Variants in KRT6A observed in about 807,000 individuals in gnomAD.
KRT6A encodes keratin, type II cytoskeletal 6A.
Under a neutral mutation model 48.6 loss-of-function variants are expected in KRT6A, and 28 were observed. That is an observed-to-expected ratio of 0.58 (90% confidence interval 0.43 to 0.79). The LOEUF is 0.79. Among genes scored for constraint, KRT6A ranks in the 30% least tolerant of loss-of-function variants. KRT6A has a pLI of 0.00. For missense variants in KRT6A, 687 were observed against 724.3 expected, an observed-to-expected ratio of 0.95 and a Z score of 0.59; for synonymous variants, 301 against 294.2, an observed-to-expected ratio of 1.02 and a Z score of -0.24.
At chr12:52,492,513 A>C in intron 1 of KRT6A, 136 bp downstream of exon 1, 1 of 1,505,898 alleles carries the variant, frequency 6.6e-7, no homozygotes, top group Non-Finnish European at 9.2e-7. Flanking sequence ...GCTGGGCACC[A>C]GCAGCCATCT....
Position 52,487,611 on chromosome 12 carries a change from G to A in KRT6A, c.*109C>T, listed in dbSNP as rs1469928604. 1.6e-5 allele frequency: 22 copies of A among 1,378,954 alleles called. No homozygotes were observed. The highest frequency in any genetic ancestry group is 2.0e-5 in the Non-Finnish European group (20 of 981,202). 85.4% of individuals were successfully genotyped at this position (1,378,954 alleles called of 1,614,324 possible). A position where few individuals can be genotyped will look rare whatever the true frequency, so the allele number is the denominator to read the frequency against. On this transcript the variant is annotated 3_prime_UTR_variant, in exon 9 of 9. Coordinates refer to ENST00000330722, the MANE Select transcript of KRT6A (RefSeq NM_005554.4). The stretch of plus-strand genomic sequence containing the variant: ...AAGCATCCATACCCAGCTCTACCTG[G>A]GACAGCAGGGGAGACTGGAGGCCAG...
chr12:52,488,141 A>G (rs751328530), intron 7 of KRT6A, 38 bp from the exon 8 acceptor site: 20 of 1,613,864 alleles, frequency 1.2e-5, no homozygotes, highest in Middle Eastern at 1.7e-4. Flanking sequence ...GACCTCAGAG[A>G]GCTCTTCCTT....
rs17103964 is a variant in KRT6A, at chr12:52,489,795, G to T, written c.1203+148C>A. The T allele has an allele frequency of 1.9e-3, 2,443 of 1,305,040 alleles. 45 individuals are homozygous for T. The African/African-American group carries it at 0.033, about 18-fold the overall frequency. The allele number at this position is 1,305,040 out of a possible 1,614,324, so 80.8% of individuals were successfully genotyped here. ...CATAGGTAGGATCTATGTCTCCTAA[G>T]CAGCAGGTACCCACTAAGGGTAGGA... On this transcript the variant is annotated intron_variant, in intron 6 of 8. Coordinates refer to ENST00000330722, the MANE Select transcript of KRT6A (RefSeq NM_005554.4).
At position 52,491,751 on chromosome 12, in the gene KRT6A, AGAT is replaced by A; in HGVS notation, c.541-18_541-16del. ...AGGAACCGCACCTGAAAGAGAGACA[AGAT>A]GATCATTTTCCAGGCAAGGGAAGGA... On this transcript the variant is annotated splice_polypyrimidine_tract_variant and intron_variant, in intron 1 of 8. Transcript: ENST00000330722. 1.9e-6 allele frequency: 3 copies of A among 1,612,626 alleles called. No homozygotes were observed. The highest frequency in any genetic ancestry group is 2.5e-6 in the Non-Finnish European group (3 of 1,178,578).
intron 6 of KRT6A, 151 bp from the exon 7 acceptor site, chr12:52,488,699 T>A: frequency 9.4e-7 from 1 of 1,067,976 alleles, no homozygotes; most frequent in Non-Finnish European, 1.4e-6. Context: ...TTTTTTTATT[T>A]TGCAGTTTTT....
rs373927281 is a variant in KRT6A at position 52,490,670 on chromosome 12, G to A, written c.976C>T (p.Arg326Cys). 21 of 1,614,114 alleles carry A rather than the reference G, an allele frequency of 1.3e-5. No homozygotes were observed. The highest frequency in any genetic ancestry group is 5.0e-5 in the Admixed American group (3 of 60,012). The change falls in exon 5 of 9, where the codon CGC (arginine) becomes TGC (cysteine). Residue 326 changes from arginine to cysteine, a missense_variant. Arg to Cys is a radical substitution (Grantham distance 180). Coordinates refer to ENST00000330722, the MANE Select transcript of KRT6A (RefSeq NM_005554.4). ...ATGATGCTGTCCAGGTCCAGGTTGCGGTTGTTGTCCATGGACAGCACCACA... is the reference window on the plus strand; with the variant it reads ...ATGATGCTGTCCAGGTCCAGGTTGCAGTTGTTGTCCATGGACAGCACCACA... The part of the protein sequence containing the change: ...TSVVLSMDNN[R>C]NLDLDSIIAE...
chr12:52,487,545 G>A lies in KRT6A; in HGVS notation c.*175C>T. 1 of 721,278 alleles carries A rather than the reference G, an allele frequency of 1.4e-6. No homozygotes were observed. The highest frequency in any genetic ancestry group is 2.3e-6 in the Non-Finnish European group (1 of 430,708). 44.7% of individuals were successfully genotyped at this position (721,278 alleles called of 1,614,324 possible). A position where few individuals can be genotyped will look rare whatever the true frequency, so the allele number is the denominator to read the frequency against. The stretch of plus-strand genomic sequence containing the variant: ...GTTGATCTGATGGTGAGCAATGGGT[G>A]CTCAGATGGTATAGAGAGAGAGAGA... On this transcript the variant is annotated 3_prime_UTR_variant, in exon 9 of 9. Coordinates refer to ENST00000330722, the MANE Select transcript of KRT6A (RefSeq NM_005554.4).
rs775857653 is a variant in KRT6A at position 52,488,487 on chromosome 12, T to C, written c.1265A>G (p.Asp422Gly). The C allele has an allele frequency of 1.2e-6, 2 of 1,614,112 alleles. No individual in the cohort carries two copies. Residue 422 changes from aspartate (D) to glycine (G), a missense_variant, in exon 7 of 9, where the codon GAT becomes GGT. Physicochemically the swap from Asp to Gly is moderately conservative, Grantham distance 94 (BLOSUM62 -1). Coordinates refer to ENST00000330722, the MANE Select transcript of KRT6A (RefSeq NM_005554.4). ...CAGCCCTTCCAGCTTGTTCTTGGCA[T>C]CCTTGAGGGCCATCTCCCCACGCTG... ...AEQRGEMALK[D>G]AKNKLEGLED... is the part of the protein sequence containing the mutation.
chr12:52,488,633 G>GA (rs1320644741), intron 6 of KRT6A, 85 bp from the exon 7 acceptor site: 14 of 1,544,070 alleles, frequency 9.1e-6, no homozygotes, highest in Middle Eastern at 1.8e-4. Context: ...TAGTGAAGGG[G>GA]CCAGGAGCCC....
Position 52,487,517 on chromosome 12 carries a change from G to A in KRT6A, c.*203C>T, listed in dbSNP as rs1938164202. On this transcript the variant is annotated 3_prime_UTR_variant, in exon 9 of 9. Coordinates refer to ENST00000330722, the MANE Select transcript of KRT6A (RefSeq NM_005554.4). ...GTGATTACATCATGATGTAAAATCA[G>A]AGGTTGATCTGATGGTGAGCAATGG... 2 of 633,544 alleles carry A rather than the reference G, an allele frequency of 3.2e-6. No homozygotes were observed. Among genetic ancestry groups the A allele is most frequent in the African/African-American group, 1.8e-5 (1 of 54,240 alleles). 39.2% of individuals were successfully genotyped at this position (633,544 alleles called of 1,614,324 possible).
chr12:52,488,131 G>C (rs762815698), intron 7 of KRT6A, 28 bp from the exon 8 acceptor site: 3 of 1,613,978 alleles, frequency 1.9e-6, no homozygotes, highest in Admixed American at 1.7e-5. Context: ...GGGAGGGTGA[G>C]ACCTCAGAGA....
In KRT6A at chr12:52,487,876, G is replaced by T; in HGVS notation, c.1539C>A (p.Ser513Arg). Reference protein sequence around the residue: ...VGSGLGLGGGSSYSYGSGLGV... With the variant: ...VGSGLGLGGGRSYSYGSGLGV... Reference sequence around the variant, plus strand: ...CAAGACCACTGCCATAGGAGTAGCTGCTTCCTCCACCCAGGCCTAAGCCAC... The same window carrying T: ...CAAGACCACTGCCATAGGAGTAGCTTCTTCCTCCACCCAGGCCTAAGCCAC... The change falls in exon 9 of 9, where the codon AGC becomes AGA. Residue 513 changes from serine (S) to arginine (R), a missense_variant. By Grantham distance (110) the Ser-to-Arg change is moderately radical (BLOSUM62 -1). Transcript: ENST00000330722. 1 of 1,614,054 alleles carries T rather than the reference G, an allele frequency of 6.2e-7. No homozygotes were observed. Among genetic ancestry groups the T allele is most frequent in the Non-Finnish European group, 8.5e-7 (1 of 1,179,916 alleles).
chr12:52,487,865 T>G lies in KRT6A; in HGVS notation c.1550A>C (p.Tyr517Ser). ...ACCTCCAACGCCAAGACCACTGCCA[T>G]AGGAGTAGCTGCTTCCTCCACCCAG... ...LGLGGGSSYSYGSGLGVGGGF... is the reference protein window; with the variant it reads ...LGLGGGSSYSSGSGLGVGGGF... Residue 517 changes from tyrosine (Y) to serine (S), a missense_variant, in exon 9 of 9, where the codon TAT becomes TCT. Transcript: ENST00000330722. 6.2e-7 allele frequency: 1 copy of G among 1,613,968 alleles called. No homozygotes were observed. Among genetic ancestry groups the G allele is most frequent in the South Asian group, 1.1e-5 (1 of 91,072 alleles).
In KRT6A at chr12:52,490,713, G is replaced by T; in HGVS notation, c.933C>A (p.Thr311=). The T allele has an allele frequency of 3.7e-6, 6 of 1,614,198 alleles. No homozygotes were observed. Among genetic ancestry groups the T allele is most frequent in the Non-Finnish European group, 5.1e-6 (6 of 1,180,042 alleles). ...LYDAELSQMQ[T]HISDTSVVLS... is the part of the protein sequence containing the mutation. ...GCACCACAGATGTGTCTGAGATGTG[G>T]GTCTGCATCTGGGACAGCTCCTGCA... Residue 311 remains threonine, a synonymous_variant, in exon 5 of 9, where the codon ACC becomes ACA. Coordinates refer to ENST00000330722, the MANE Select transcript of KRT6A (RefSeq NM_005554.4).
intron 1 of KRT6A, 86 bp from the exon 2 acceptor site, chr12:52,491,822 G>A (rs2120407200): frequency 2.6e-6 from 4 of 1,542,386 alleles, no homozygotes; most frequent in Non-Finnish European, 3.5e-6. Context: ...GGTCCGGGAG[G>A]TTCCCATGGT....
At position 52,490,065 on chromosome 12, in the gene KRT6A, C is replaced by T. The variant is rs369911781; in HGVS notation, c.1081G>A (p.Glu361Lys). 27 of 1,613,906 alleles carry T rather than the reference C, an allele frequency of 1.7e-5. No homozygotes were observed. The highest frequency in any genetic ancestry group is 1.0e-4 in the Admixed American group (6 of 59,996). Residue 361 changes from glutamate (E) to lysine (K), a missense_variant, in exon 6 of 9, where the codon GAG (glutamate) becomes AAG (lysine). Transcript: ENST00000330722. ...EAESWYQTKYEELQVTAGRHG... is the reference protein window; with the variant it reads ...EAESWYQTKYKELQVTAGRHG... The stretch of plus-strand genomic sequence containing the variant: ...CTGCCTGCTGTGACCTGCAGCTCCT[C>T]GTACTGCAGCCCAGAGGTGGAGAGA...
At chr12:52,490,827 G>A (rs757511153) in intron 4 of KRT6A, 31 bp downstream of exon 4, 2 of 1,613,980 alleles carry the variant, frequency 1.2e-6, no homozygotes, top group East Asian at 2.2e-5. Context: ...GACCCCATCA[G>A]AGTAAACAGA....
In KRT6A at chr12:52,490,872, C is replaced by T. The variant is rs1938248010; in HGVS notation, c.898G>A (p.Ala300Thr). Reference sequence around the variant, plus strand: ...GAGATGCTTACTGCATCATACAAGGCTCTCAGGAAGTTGATCTCGTCTGTG... The same window carrying T: ...GAGATGCTTACTGCATCATACAAGGTTCTCAGGAAGTTGATCTCGTCTGTG... ...TLTDEINFLR[A>T]LYDAELSQMQ... Residue 300 changes from alanine to threonine, a missense_variant, in exon 4 of 9, where the codon GCC becomes ACC. By Grantham distance (58) the Ala-to-Thr change is moderately conservative. Coordinates refer to ENST00000330722, the MANE Select transcript of KRT6A (RefSeq NM_005554.4). 1 of 1,613,910 alleles carries T rather than the reference C, an allele frequency of 6.2e-7. No homozygotes were observed. The highest frequency in any genetic ancestry group is 8.5e-7 in the Non-Finnish European group (1 of 1,179,912).
In KRT6A at chr12:52,493,149, T is replaced by C. The variant is rs752862612; in HGVS notation, c.40A>G (p.Ser14Gly). ...GAGTTGGCACTGAAACCCCGGCGGCTGCTGCTGTGGCTCCTGATGGTGGTG... is the reference window on the plus strand; with the variant it reads ...GAGTTGGCACTGAAACCCCGGCGGCCGCTGCTGTGGCTCCTGATGGTGGTG... ...TSTTIRSHSS[S>G]RRGFSANSAR... The change falls in exon 1 of 9, where the codon AGC becomes GGC. Residue 14 changes from serine (S) to glycine (G), a missense_variant. Ser to Gly is a moderately conservative substitution (Grantham distance 56). Coordinates refer to ENST00000330722, the MANE Select transcript of KRT6A (RefSeq NM_005554.4). The C allele has an allele frequency of 6.2e-7, 1 of 1,613,902 alleles. No individual in the cohort carries two copies. Among genetic ancestry groups the C allele is most frequent in the Admixed American group, 1.7e-5 (1 of 60,002 alleles).
Sources: allele counts gnomAD v4.1 joint callset, GRCh38; gene constraint gnomAD v4.1.1; transcripts MANE v1.5; gene names NCBI Gene and HGNC (gene_info 2026-07-23, HGNC 2026-07-21).